Variants in NKAIN2 observed in about 807,000 individuals in gnomAD.
NKAIN2 encodes sodium/potassium transporting ATPase interacting 2.
A neutral mutation model predicts 32.6 loss-of-function variants in NKAIN2; 14 were observed. That is an observed-to-expected ratio of 0.43 (90% CI 0.28 to 0.67). The LOEUF is 0.67. Ranked by LOEUF, NKAIN2 falls within the 30% of genes least tolerant of loss-of-function variation. The pLI, the probability that NKAIN2 is intolerant of heterozygous loss-of-function variation, is 0.17. For synonymous variants in NKAIN2, 80 were observed against 87.2 expected (o/e 0.92, Z 0.46); for missense variants, 198 against 258.3 (o/e 0.77, Z 1.60).
At chr6:124,343,612 G>C (rs1448650704) in intron 2 of NKAIN2, among the ~76,000 whole-genome samples, 1 of 151,606 alleles carries the variant, frequency 6.6e-6, no homozygotes, top group Non-Finnish European at 1.5e-5. Flanking sequence ...TGTGTCTTTT[G>C]GCTGCATAAA....
At chr6:124,791,219 C>A in intron 4 of NKAIN2, 120 bp from the exon 5 acceptor site, 3 of 612,118 alleles carry the variant, frequency 4.9e-6, no homozygotes, top group South Asian at 2.3e-5. Context: ...GTCCGATGAG[C>A]CATGTTGGTT....
intron 1 of NKAIN2, among the ~76,000 whole-genome samples, chr6:123,874,073 C>G (rs1773044603): frequency 6.6e-6 from 1 of 152,066 alleles, no homozygotes; most frequent in Non-Finnish European, 1.5e-5. Context: ...TCATTGATGC[C>G]CATTTCATTG....
intron 1 of NKAIN2, among the ~76,000 whole-genome samples, chr6:124,047,473 ACTGCATGAT>A (rs1393283634): frequency 6.6e-6 from 1 of 151,858 alleles, no homozygotes; most frequent in Non-Finnish European, 1.5e-5. Context: ...TAAATAGCAA[ACTGCATGAT>A]CTTAATGAGG....
At position 124,506,511 on chromosome 6, in the gene NKAIN2, A is replaced by G. The variant is rs372644351; in HGVS notation, c.273+151164A>G. Reference sequence around the variant, plus strand: ...TATTAAATTTGCCAGAATGGCCCCAATTGAGGTTTTCATACCTTCCTCCTC... The same window carrying G: ...TATTAAATTTGCCAGAATGGCCCCAGTTGAGGTTTTCATACCTTCCTCCTC... On this transcript the variant is annotated intron_variant, in intron 3 of 6. Coordinates refer to ENST00000368417, the MANE Select transcript of NKAIN2 (RefSeq NM_001040214.3). 1.4e-4 allele frequency among the ~76,000 whole-genome samples: 21 copies of G among 152,308 alleles called. No homozygotes were observed. The East Asian group carries it at 1.7e-3, about 13-fold the overall frequency.
At chr6:124,336,379 T>C (rs1241560883) in intron 2 of NKAIN2, among the ~76,000 whole-genome samples, 1 of 152,158 alleles carries the variant, frequency 6.6e-6, no homozygotes, top group Non-Finnish European at 1.5e-5. Context: ...CATGTGTGCC[T>C]CTCTAGGAAG....
intron 1 of NKAIN2, among the ~76,000 whole-genome samples, chr6:124,046,980 G>A (rs577193433): frequency 6.6e-6 from 1 of 152,132 alleles, no homozygotes; most frequent in East Asian, 1.9e-4. Context: ...GATATCTTAA[G>A]CTATCAAAAA....
chr6:124,706,440 T>TGGCTGAAATATGATTCTATGTC (rs1775068874), intron 4 of NKAIN2, among the ~76,000 whole-genome samples: 1 of 152,132 alleles, frequency 6.6e-6, no homozygotes, highest in Non-Finnish European at 1.5e-5. Context: ...CATTTCCTTC[T>TGGCTGAAATATGATTCTATGTC]GGCTGAAATA....
intron 1 of NKAIN2, among the ~76,000 whole-genome samples, chr6:124,116,504 A>C (rs73565502): frequency 6.6e-6 from 1 of 152,090 alleles, no homozygotes; most frequent in East Asian, 1.9e-4. Context: ...TCTTGAATTC[A>C]AGATGTTTTT....
At position 123,945,280 on chromosome 6, in the gene NKAIN2, G is replaced by C. The variant is rs547982245; in HGVS notation, c.54+141026G>C. On this transcript the variant is annotated intron_variant, in intron 1 of 6. Transcript: ENST00000368417. ...TAGTCCAGCTACTTCCAATGTTGAG[G>C]CTCTGGTGCATTAGAAAATGAAGAA... 8.5e-5 allele frequency among the ~76,000 whole-genome samples: 13 copies of C among 152,130 alleles called. No homozygotes were observed. The South Asian group carries it at 2.7e-3, about 32-fold the overall frequency.
At chr6:124,627,533 T>C (rs1453854367) in intron 3 of NKAIN2, among the ~76,000 whole-genome samples, 1 of 152,176 alleles carries the variant, frequency 6.6e-6, no homozygotes, top group Non-Finnish European at 1.5e-5. Flanking sequence ...TATGTAAGAA[T>C]GTTCTCTCCA....
chr6:124,248,532 T>A (rs1008083203), intron 1 of NKAIN2, among the ~76,000 whole-genome samples: 5 of 152,110 alleles, frequency 3.3e-5, no homozygotes, highest in African/African-American at 1.2e-4. Context: ...AAGGCTCTCT[T>A]AATTTATGTC....
intron 1 of NKAIN2, among the ~76,000 whole-genome samples, chr6:124,127,761 C>T (rs1299831036): frequency 1.3e-5 from 2 of 152,086 alleles, no homozygotes; most frequent in African/African-American, 4.8e-5. Flanking sequence ...TTTCCGCCAA[C>T]CTGGGCTTCA....
chr6:124,386,584 G>A (rs142175959), intron 3 of NKAIN2, among the ~76,000 whole-genome samples: 120 of 152,236 alleles, frequency 7.9e-4, no homozygotes, highest in African/African-American at 2.9e-3. Context: ...TGATCCGGGC[G>A]CAATGGTTTT....
chr6:124,016,850 T>C (rs1282312362), intron 1 of NKAIN2, among the ~76,000 whole-genome samples: 7 of 152,144 alleles, frequency 4.6e-5, no homozygotes, highest in Non-Finnish European at 8.8e-5. Flanking sequence ...AGGTATGTAT[T>C]GGAGCTAGCA....
chr6:124,725,963 T>C (rs1328407021), intron 4 of NKAIN2, among the ~76,000 whole-genome samples: 1 of 152,124 alleles, frequency 6.6e-6, no homozygotes, highest in East Asian at 1.9e-4. Flanking sequence ...ACCTTGAAAA[T>C]TGGGTCACTC....
intron 3 of NKAIN2, among the ~76,000 whole-genome samples, chr6:124,539,137 TAATG>T (rs1779819648): frequency 6.6e-6 from 1 of 152,196 alleles, no homozygotes; most frequent in Non-Finnish European, 1.5e-5. Context: ...GAAAAATGTT[TAATG>T]AATGAATATG....
chr6:124,577,798 T>A (rs979241850), intron 3 of NKAIN2, among the ~76,000 whole-genome samples: 2 of 151,990 alleles, frequency 1.3e-5, no homozygotes, highest in African/African-American at 4.8e-5. Context: ...TAGGAGAGAC[T>A]CTTTCCCTCT....
chr6:124,794,617 T>G (rs958284636), intron 5 of NKAIN2, among the ~76,000 whole-genome samples: 2 of 152,174 alleles, frequency 1.3e-5, no homozygotes, highest in African/African-American at 4.8e-5. Context: ...TCTAAATTTT[T>G]ATACACAAGT....
At chr6:124,644,952 C>G (rs1784116911) in intron 3 of NKAIN2, among the ~76,000 whole-genome samples, 1 of 152,162 alleles carries the variant, frequency 6.6e-6, no homozygotes, top group Admixed American at 6.5e-5. Context: ...CACATACACA[C>G]AGAGACTTCT....
Sources: gnomAD v4.1 joint callset for allele counts (sites outside exome capture counted in the v4.1 genomes callset) on GRCh38, gnomAD v4.1.1 for gene constraint, MANE v1.5 for transcripts, NCBI Gene and HGNC (gene_info 2026-07-23, HGNC 2026-07-21) for gene names.